Variants in LRRK2 observed in about 807,000 individuals in gnomAD.
The protein encoded by LRRK2 is leucine rich repeat kinase 2.
A neutral mutation model predicts 302.6 loss-of-function variants in LRRK2; 203 were observed. The observed-to-expected ratio is 0.67, with a 90% CI of 0.60 to 0.75. The LOEUF (loss-of-function observed/expected upper bound fraction) is 0.75, where lower values mean the gene tolerates loss of function less well. LRRK2 is among the 30% of genes least tolerant of loss of function. The pLI is 0.00. For synonymous variants in LRRK2, 1,066 were observed against 1,031.9 expected, an observed-to-expected ratio of 1.03 and a Z score of -0.63; for missense variants, 2,830 against 2,951.0, an observed-to-expected ratio of 0.96 and a Z score of 0.95.
intron 5 of LRRK2, among the ~76,000 whole-genome samples, chr12:40,239,857 C>G (rs1326472456): frequency 8.5e-5 from 13 of 152,120 alleles, no homozygotes; most frequent in Admixed American, 7.9e-4. Context: ...TGGCGCCATT[C>G]TCAAGCTAGA....
chr12:40,302,985 C>A, intron 26 of LRRK2, 103 bp downstream of exon 26: 1 of 794,600 alleles, frequency 1.3e-6, no homozygotes, highest in Admixed American at 2.3e-5. Context: ...ATTTCTAAAC[C>A]TACTCAACTT....
intron 23 of LRRK2, among the ~76,000 whole-genome samples, 186 bp downstream of exon 23, chr12:40,295,830 G>T (rs1430976815): frequency 6.6e-6 from 1 of 152,152 alleles, no homozygotes; most frequent in African/African-American, 2.4e-5. Flanking sequence ...ATCTTTGAGG[G>T]CAGGCAATGG....
chr12:40,341,230 A>T (rs1474111497), intron 41 of LRRK2, among the ~76,000 whole-genome samples: 1 of 152,204 alleles, frequency 6.6e-6, no homozygotes, highest in Non-Finnish European at 1.5e-5. Context: ...TTATATAGTT[A>T]GTTATTTGTA....
At chr12:40,304,375 C>T in intron 27 of LRRK2, 6 of 573,966 alleles carry the variant, frequency 1.0e-5, no homozygotes, top group Non-Finnish European at 1.2e-5. Context: ...AAAAAATCTA[C>T]TTTTAAAAAT....
chr12:40,306,076 T>C, intron 28 of LRRK2, 110 bp downstream of exon 28: 1 of 837,448 alleles, frequency 1.2e-6, no homozygotes, highest in East Asian at 2.7e-5. Context: ...TAAATAGTAA[T>C]ATTTGGCATT....
At chr12:40,321,605 A>T (rs1425825521) in intron 35 of LRRK2, among the ~76,000 whole-genome samples, 1 of 152,074 alleles carries the variant, frequency 6.6e-6, no homozygotes, top group African/African-American at 2.4e-5. Context: ...CATTTTGGGG[A>T]TTAAAATTAG....
At chr12:40,295,297 G>T in intron 22 of LRRK2, 130 bp from the exon 23 acceptor site, 1 of 788,100 alleles carries the variant, frequency 1.3e-6, no homozygotes. Flanking sequence ...AAACTCCATA[G>T]TTTGGTTTTC....
intron 5 of LRRK2, 82 bp from the exon 6 acceptor site, chr12:40,240,401 A>G (rs11564187): frequency 0.035 from 44,240 of 1,269,822 alleles, 2,256 homozygotes; most frequent in Admixed American, 0.19. Flanking sequence ...TCACACAACT[A>G]TAATGAATAT....
Position 40,365,032 on chromosome 12 carries a change from A to G in LRRK2, c.7372A>G (p.Met2458Val), listed in dbSNP as rs1473496150. The change falls in exon 49 of 51, where the codon ATG (methionine) becomes GTG (valine). Residue 2458 changes from methionine to valine, a missense_variant. This residue lies in a region of LRRK2 where 456 missense variants were observed against 456.3 expected (regional missense o/e 1.00). Transcript: ENST00000298910. ...CAACTTTTGTAATTCGGTCAGAGTC[A>G]TGATGACAGCACAGCTAGGCAAGTT... ...IYNFCNSVRVMMTAQLGSLKN... is the reference protein window; with the variant it reads ...IYNFCNSVRVVMTAQLGSLKN... The G allele has an allele frequency of 1.9e-6, 3 of 1,612,340 alleles. No individual in the cohort carries two copies. The highest frequency in any genetic ancestry group is 8.5e-7 in the Non-Finnish European group (1 of 1,178,842).
intron 37 of LRRK2, 98 bp from the exon 38 acceptor site, chr12:40,323,062 T>C: frequency 1.0e-6 from 1 of 1,001,418 alleles, no homozygotes; most frequent in Non-Finnish European, 1.5e-6. Context: ...GATTAGAAAT[T>C]ATAGAAAATA....
intron 44 of LRRK2, among the ~76,000 whole-genome samples, chr12:40,352,855 A>T (rs1946397686): frequency 6.6e-6 from 1 of 152,072 alleles, no homozygotes; most frequent in Non-Finnish European, 1.5e-5. Flanking sequence ...TCCTATGTCT[A>T]CTTCTTTCTA....
At chr12:40,273,359 T>G (rs547919655) in intron 14 of LRRK2, among the ~76,000 whole-genome samples, 1 of 152,270 alleles carries the variant, frequency 6.6e-6, no homozygotes, top group South Asian at 2.1e-4. Flanking sequence ...GACTATGTAT[T>G]ATTAAGATGA....
rs1173861444 is a variant in LRRK2, at chr12:40,308,648, A to C, written c.4141A>C (p.Arg1381=). Residue 1381 remains arginine (R), a synonymous_variant, in exon 29 of 51, where the codon AGA becomes CGA. Transcript: ENST00000298910. ...TGTGAAAGACTGGCCTATCCAAATA[A>C]GAGACAAAAGAAAGAGAGATCTCGT... ...IDVKDWPIQI[R]DKRKRDLVLN... 1 of 1,614,002 alleles carries C rather than the reference A, an allele frequency of 6.2e-7. No homozygotes were observed. The highest frequency in any genetic ancestry group is 8.5e-7 in the Non-Finnish European group (1 of 1,179,954).
intron 28 of LRRK2, among the ~76,000 whole-genome samples, chr12:40,307,781 CTT>C (rs201473630): frequency 6.7e-5 from 8 of 119,378 alleles, no homozygotes; most frequent in Non-Finnish European, 8.3e-5. Flanking sequence ...CTTTTCTTTT[CTT>C]TTTTTTTTTT....
intron 13 of LRRK2, among the ~76,000 whole-genome samples, chr12:40,260,472 T>C (rs1942719924): frequency 6.6e-6 from 1 of 150,884 alleles, no homozygotes; most frequent in African/African-American, 2.4e-5. Flanking sequence ...GTGCACATGG[T>C]CGGGGGTGAG....
chr12:40,297,198 C>T (rs1186371688), intron 23 of LRRK2, among the ~76,000 whole-genome samples: 1 of 152,084 alleles, frequency 6.6e-6, no homozygotes, highest in African/African-American at 2.4e-5. Flanking sequence ...CTTGGTAATC[C>T]TTCAATTAAT....
intron 16 of LRRK2, among the ~76,000 whole-genome samples, chr12:40,277,267 C>T (rs1299988181): frequency 6.6e-6 from 1 of 152,184 alleles, no homozygotes; most frequent in Non-Finnish European, 1.5e-5. Context: ...AGGACAGACT[C>T]TGGGGATGTG....
chr12:40,226,442 C>T (rs1022040326), intron 2 of LRRK2, among the ~76,000 whole-genome samples: 6 of 152,184 alleles, frequency 3.9e-5, no homozygotes, highest in African/African-American at 1.4e-4. Context: ...GGACTTTGAA[C>T]TCCTTGGAGG....
chr12:40,335,231 A>T, intron 40 of LRRK2, 74 bp downstream of exon 40: 1 of 1,471,876 alleles, frequency 6.8e-7, no homozygotes, highest in Non-Finnish European at 9.4e-7. Flanking sequence ...TTCTGAGAAC[A>T]CTTCCCAGTA....
Sources: allele counts gnomAD v4.1 joint callset (sites outside exome capture counted in the v4.1 genomes callset), GRCh38; gene constraint gnomAD v4.1.1; regional missense constraint gnomAD v4.1.1; transcripts MANE v1.5; gene names NCBI Gene and HGNC (gene_info 2026-07-23, HGNC 2026-07-21).